RGS7: variants seen among roughly 807,000 people sequenced by gnomAD.
The protein encoded by RGS7 is regulator of G-protein signaling 7.
A neutral mutation model predicts 81.1 loss-of-function variants in RGS7; 27 were observed. The observed-to-expected ratio is 0.33, with a 90% CI of 0.25 to 0.46. The LOEUF is 0.46. Among genes scored for constraint, RGS7 ranks in the 20% least tolerant of loss-of-function variants. The pLI, the probability that RGS7 is intolerant of heterozygous loss-of-function variation, is 1.00. For missense variants in RGS7, 396 were observed against 607.4 expected, an observed-to-expected ratio of 0.65 and a Z score of 3.66; for synonymous variants, 208 against 207.7, an observed-to-expected ratio of 1.00 and a Z score of -0.01.
chr1:241,257,132 C>A lies in RGS7; in HGVS notation c.78+98567G>T, dbSNP rs10926440. On this transcript the variant is annotated intron_variant, in intron 2 of 18. Transcript: ENST00000440928. ...GCTGCTATAACAAAGTATCTGAAAC[C>A]GGATAATTTATAAGCAACAGGAACT... 6.4e-3 allele frequency among the ~76,000 whole-genome samples: 973 copies of A among 152,012 alleles called. 3 individuals carry two copies. The highest frequency in any genetic ancestry group is 0.023 in the African/African-American group (938 of 41,446).
intron 3 of RGS7, among the ~76,000 whole-genome samples, chr1:241,075,673 T>C (rs543000386): frequency 8.5e-5 from 13 of 152,332 alleles, no homozygotes; most frequent in African/African-American, 3.1e-4. Flanking sequence ...TTCAAAGTCA[T>C]TCTGGGCCAC....
chr1:240,853,687 C>T (rs1046966014), intron 9 of RGS7, among the ~76,000 whole-genome samples: 3 of 151,888 alleles, frequency 2.0e-5, no homozygotes, highest in Non-Finnish European at 4.4e-5. Context: ...GGGCTGATCA[C>T]GAGGGCAGGA....
At chr1:241,052,445 G>T (rs1243240806) in intron 3 of RGS7, among the ~76,000 whole-genome samples, 1 of 152,112 alleles carries the variant, frequency 6.6e-6, no homozygotes, top group East Asian at 1.9e-4. Flanking sequence ...AGGCCGAGCA[G>T]TATGGGAAGG....
rs73125569 is a variant in RGS7 at position 241,072,774 on chromosome 1, G to A, written c.175+25892C>T. ...GCTCCCAGCCAGGTAATATGCACACGATAGCACCAGAGGCAGGATGGAGAA... is the reference window on the plus strand; with the variant it reads ...GCTCCCAGCCAGGTAATATGCACACAATAGCACCAGAGGCAGGATGGAGAA... On this transcript the variant is annotated intron_variant, in intron 3 of 18. Transcript: ENST00000440928. Among the ~76,000 whole-genome samples, 1,434 of 152,226 alleles carry A rather than the reference G, an allele frequency of 9.4e-3. 19 individuals are homozygous for A. The highest frequency in any genetic ancestry group is 0.033 in the African/African-American group (1,351 of 41,532).
chr1:241,145,930 C>A (rs1003942371), intron 2 of RGS7, among the ~76,000 whole-genome samples: 2 of 152,100 alleles, frequency 1.3e-5, no homozygotes, highest in Non-Finnish European at 2.9e-5. Context: ...GAGGAAGATA[C>A]AAGATAAGAT....
chr1:241,147,780 T>TTACATATATATATATATATA (rs1553268796), intron 2 of RGS7, among the ~76,000 whole-genome samples: 2 of 44,646 alleles, frequency 4.5e-5, no homozygotes, highest in African/African-American at 1.3e-4. Flanking sequence ...AGATTAAGTT[T>TTACATATATATATATATATA]TATATATATA....
At chr1:241,138,663 G>A (rs2067700982) in intron 2 of RGS7, among the ~76,000 whole-genome samples, 1 of 152,104 alleles carries the variant, frequency 6.6e-6, no homozygotes, top group African/African-American at 2.4e-5. Context: ...CTTGCTTATT[G>A]TCTATATCCT....
intron 2 of RGS7, among the ~76,000 whole-genome samples, chr1:241,189,667 C>A (rs1196322359): frequency 6.6e-6 from 1 of 152,076 alleles, no homozygotes; most frequent in African/African-American, 2.4e-5. Flanking sequence ...CATTTAAGTC[C>A]ATGCTCCATT....
chr1:240,893,488 A>G (rs1404285311), intron 6 of RGS7, among the ~76,000 whole-genome samples: 1 of 152,166 alleles, frequency 6.6e-6, no homozygotes, highest in Non-Finnish European at 1.5e-5. Context: ...TTTAAAAACA[A>G]ATATTTAACC....
intron 3 of RGS7, among the ~76,000 whole-genome samples, chr1:241,016,135 T>A (rs1295993689): frequency 6.6e-6 from 1 of 152,150 alleles, no homozygotes; most frequent in Non-Finnish European, 1.5e-5. Context: ...GGGTGTGAGG[T>A]ACGATGGGAT....
Position 241,307,751 on chromosome 1 carries a change from C to A in RGS7, c.78+47948G>T, listed in dbSNP as rs138183645. On this transcript the variant is annotated intron_variant, in intron 2 of 18. Coordinates refer to ENST00000440928, the MANE Select transcript of RGS7 (RefSeq NM_001364886.1). Reference sequence around the variant, plus strand: ...ATGTATCGCCCAGCACCTGCAGTATCTGACACACAACAGATGCTAAGTCAA... The same window carrying A: ...ATGTATCGCCCAGCACCTGCAGTATATGACACACAACAGATGCTAAGTCAA... Among the ~76,000 whole-genome samples, 84 of 152,284 alleles carry A rather than the reference C, an allele frequency of 5.5e-4. 1 individual carries two copies. The highest frequency in any genetic ancestry group is 1.7e-3 in the African/African-American group (72 of 41,558).
intron 9 of RGS7, among the ~76,000 whole-genome samples, chr1:240,849,692 C>T (rs1659750118): frequency 6.6e-6 from 1 of 152,126 alleles, no homozygotes; most frequent in Admixed American, 6.5e-5. Context: ...CTCTCTCTTG[C>T]TCCTGCTCTC....
At chr1:241,099,447 T>C (rs1275849681) in intron 2 of RGS7, among the ~76,000 whole-genome samples, 2 of 152,052 alleles carry the variant, frequency 1.3e-5, no homozygotes, top group Non-Finnish European at 2.9e-5. Flanking sequence ...CACACACACA[T>C]ATGTATACAA....
At chr1:241,040,751 A>G (rs969386498) in intron 3 of RGS7, among the ~76,000 whole-genome samples, 1 of 152,140 alleles carries the variant, frequency 6.6e-6, no homozygotes, top group Non-Finnish European at 1.5e-5. Context: ...CGGCCTCCCA[A>G]GGTGCTGGGA....
intron 3 of RGS7, among the ~76,000 whole-genome samples, chr1:241,013,042 T>C (rs754497832): frequency 5.4e-4 from 78 of 144,122 alleles, no homozygotes; most frequent in Non-Finnish European, 1.0e-3. Context: ...ATGTCAGCCA[T>C]CTGACCCCTC....
chr1:241,133,526 T>G (rs781539736), intron 2 of RGS7, among the ~76,000 whole-genome samples: 1 of 151,672 alleles, frequency 6.6e-6, no homozygotes. Flanking sequence ...GGAAAGGAGA[T>G]ACAAATATAA....
chr1:241,291,014 G>A (rs773587329), intron 2 of RGS7, among the ~76,000 whole-genome samples: 4 of 152,126 alleles, frequency 2.6e-5, no homozygotes, highest in African/African-American at 7.2e-5. Flanking sequence ...TTGTTTCCAC[G>A]TGCCCCACCT....
At chr1:240,843,440 A>AT (rs559554248) in intron 9 of RGS7, among the ~76,000 whole-genome samples, 2 of 151,296 alleles carry the variant, frequency 1.3e-5, no homozygotes, top group Non-Finnish European at 2.9e-5. Context: ...TGATTTTTGT[A>AT]TTTTTTGTAG....
intron 2 of RGS7, among the ~76,000 whole-genome samples, chr1:241,315,809 A>AT (rs1174914492): frequency 6.6e-6 from 1 of 152,158 alleles, no homozygotes; most frequent in Non-Finnish European, 1.5e-5. Context: ...GTTTTTTACC[A>AT]TTGAGTGTGA....
Sources: gnomAD v4.1 joint callset for allele counts (sites outside exome capture counted in the v4.1 genomes callset) on GRCh38, gnomAD v4.1.1 for gene constraint, MANE v1.5 for transcripts, NCBI Gene and HGNC (gene_info 2026-07-23, HGNC 2026-07-21) for gene names.